Variants in KIF13B observed in about 807,000 individuals in gnomAD.
KIF13B encodes the protein kinesin family member 13B, also known as kinesin-like protein KIF13B.
A neutral mutation model predicts 222.0 loss-of-function variants in KIF13B; 127 were observed. That is an observed-to-expected ratio of 0.57 (90% CI 0.50 to 0.66). The LOEUF (loss-of-function observed/expected upper bound fraction) is 0.66, where lower values mean the gene tolerates loss of function less well. KIF13B is among the 30% of genes least tolerant of loss of function. The pLI is 0.00. For synonymous variants in KIF13B, 976 were observed against 919.0 expected, an observed-to-expected ratio of 1.06 and a Z score of -1.12; for missense variants, 2,173 against 2,379.0, an observed-to-expected ratio of 0.91 and a Z score of 1.80.
intron 1 of KIF13B, among the ~76,000 whole-genome samples, chr8:29,249,798 T>C (rs1304602983): frequency 6.6e-6 from 1 of 152,230 alleles, no homozygotes; most frequent in Non-Finnish European, 1.5e-5. Flanking sequence ...AAAGGAAAAC[T>C]TTAGAGCTAT....
chr8:29,144,346 C>T (rs934114056), intron 18 of KIF13B, among the ~76,000 whole-genome samples: 2 of 152,084 alleles, frequency 1.3e-5, no homozygotes, highest in East Asian at 1.9e-4. Context: ...CTGCAACCTC[C>T]GCCTGGGTTC....
chr8:29,090,251 G>A (rs1357615748), intron 37 of KIF13B, among the ~76,000 whole-genome samples: 1 of 152,186 alleles, frequency 6.6e-6, no homozygotes, highest in Non-Finnish European at 1.5e-5. Flanking sequence ...GGAGACACTG[G>A]AAGGTGTCAC....
chr8:29,229,836 T>A (rs1815205200), intron 2 of KIF13B, among the ~76,000 whole-genome samples: 1 of 152,194 alleles, frequency 6.6e-6, no homozygotes. Context: ...TATTGTCAAT[T>A]AAAAGCAAAA....
At chr8:29,093,788 T>A (rs896543428) in intron 36 of KIF13B, among the ~76,000 whole-genome samples, 1 of 152,092 alleles carries the variant, frequency 6.6e-6, no homozygotes, top group Admixed American at 6.6e-5. Context: ...ATTGTAATCA[T>A]GAGGGCGACC....
At chr8:29,225,618 A>C (rs1346495462) in intron 2 of KIF13B, among the ~76,000 whole-genome samples, 1 of 152,206 alleles carries the variant, frequency 6.6e-6, no homozygotes, top group African/African-American at 2.4e-5. Flanking sequence ...TAGGGAATAA[A>C]AGTTCAGTGT....
chr8:29,141,977 A>G (rs1375185562), intron 19 of KIF13B, among the ~76,000 whole-genome samples, 180 bp downstream of exon 19: 1 of 152,204 alleles, frequency 6.6e-6, no homozygotes, highest in Non-Finnish European at 1.5e-5. Context: ...AGATACCAGA[A>G]AGAGAGATTA....
intron 2 of KIF13B, among the ~76,000 whole-genome samples, chr8:29,208,926 C>A (rs992174150): frequency 6.6e-6 from 1 of 152,228 alleles, no homozygotes; most frequent in African/African-American, 2.4e-5. Flanking sequence ...CCCCTGCCTG[C>A]CTCTGTGCAT....
intron 24 of KIF13B, among the ~76,000 whole-genome samples, chr8:29,128,451 G>A (rs574563166): frequency 1.3e-5 from 2 of 152,328 alleles, no homozygotes; most frequent in East Asian, 3.9e-4. Context: ...CTCCATTTGA[G>A]TGGCTGGGAT....
Position 29,146,537 on chromosome 8 carries a change from T to C in KIF13B, c.2028A>G (p.Glu676=), listed in dbSNP as rs1463198880. 1.9e-6 allele frequency: 3 copies of C among 1,611,558 alleles called. No homozygotes were observed. The highest frequency in any genetic ancestry group is 4.5e-5 in the East Asian group (2 of 44,856). Reference sequence around the variant, plus strand: ...TCATCAGGCTGTTATTCAACGTTGCTTCTCTAAAAAAAAATAAAGAAGCGG... The same window carrying C: ...TCATCAGGCTGTTATTCAACGTTGCCTCTCTAAAAAAAAATAAAGAAGCGG... ...QRLRQWAEER[E]ATLNNSLMRL... The change falls in exon 18 of 40, where the codon GAA becomes GAG. Residue 676 remains glutamate, a synonymous_variant. Coordinates refer to ENST00000524189, the MANE Select transcript of KIF13B (RefSeq NM_015254.4).
At chr8:29,076,425 C>T (rs1807561358) in intron 37 of KIF13B, among the ~76,000 whole-genome samples, 1 of 152,254 alleles carries the variant, frequency 6.6e-6, no homozygotes, top group Non-Finnish European at 1.5e-5. Flanking sequence ...CACCTCCCTT[C>T]TCCCAGCCCT....
intron 13 of KIF13B, among the ~76,000 whole-genome samples, chr8:29,159,523 G>A (rs551367299): frequency 6.6e-6 from 1 of 152,310 alleles, no homozygotes; most frequent in South Asian, 2.1e-4. Context: ...ACAAAAAAGT[G>A]GAATGTGGGA....
intron 21 of KIF13B, among the ~76,000 whole-genome samples, chr8:29,138,933 A>G (rs964907261): frequency 2.6e-5 from 4 of 152,138 alleles, no homozygotes; most frequent in Admixed American, 6.5e-5. Flanking sequence ...ACAAATTACT[A>G]ATTTTGGCAA....
At chr8:29,149,809 T>C (rs1811218699) in intron 15 of KIF13B, among the ~76,000 whole-genome samples, 1 of 152,210 alleles carries the variant, frequency 6.6e-6, no homozygotes. Flanking sequence ...CTAACAACTA[T>C]GTTCCTTTAG....
intron 20 of KIF13B, 63 bp downstream of exon 20, chr8:29,140,405 T>C: frequency 6.5e-7 from 1 of 1,537,272 alleles, no homozygotes. Context: ...CAATATCCCA[T>C]CACCACCCTC....
chr8:29,191,841 G>A (rs1813204248), intron 3 of KIF13B, among the ~76,000 whole-genome samples: 1 of 152,160 alleles, frequency 6.6e-6, no homozygotes. Flanking sequence ...ATTTCTGTCA[G>A]TTTGAAATCT....
intron 13 of KIF13B, among the ~76,000 whole-genome samples, chr8:29,156,373 G>A (rs535199210): frequency 6.6e-6 from 1 of 152,252 alleles, no homozygotes; most frequent in East Asian, 1.9e-4. Flanking sequence ...CCCTGACCTA[G>A]ACTAACTCAC....
At chr8:29,113,663 G>A in intron 31 of KIF13B, 108 bp from the exon 32 acceptor site, 1 of 720,610 alleles carries the variant, frequency 1.4e-6, no homozygotes, top group Admixed American at 2.7e-5. Flanking sequence ...AAAGAAAACA[G>A]AGCAGGTTTC....
At chr8:29,109,549 A>G in intron 33 of KIF13B, 38 bp from the exon 34 acceptor site, 1 of 1,548,316 alleles carries the variant, frequency 6.5e-7, no homozygotes, top group South Asian at 1.1e-5. Context: ...AAAGACATGT[A>G]AGAGACACAC....
rs761773190 is a variant in KIF13B, at chr8:29,167,425, C to T, written c.1106G>A (p.Arg369Gln). The change falls in exon 11 of 40, where the codon CGG becomes CAG. Residue 369 changes from arginine (R) to glutamine (Q), a missense_variant. Physicochemically the swap from Arg to Gln is conservative, Grantham distance 43. Transcript: ENST00000524189. ...VNEDPNARII[R>Q]DLREEVEKLR... ...TTTCTCAACTTCTTCCCGGAGATCC[C>T]GGATAATTCGGGCATTAGGGTCCTC... 2.4e-5 allele frequency: 38 copies of T among 1,613,614 alleles called. No individual in the cohort carries two copies. The highest frequency in any genetic ancestry group is 1.7e-4 in the Middle Eastern group (1 of 5,934).
Sources: allele counts gnomAD v4.1 joint callset (sites outside exome capture counted in the v4.1 genomes callset), GRCh38; gene constraint gnomAD v4.1.1; transcripts MANE v1.5; gene names NCBI Gene and HGNC (gene_info 2026-07-23, HGNC 2026-07-21).